Variants in TENM2 observed in about 807,000 individuals in gnomAD.
The protein encoded by TENM2 is teneurin-2.
TENM2 carries 52 observed loss-of-function variants against 245.2 expected under a neutral mutation model. The ratio of observed to expected loss-of-function variants is 0.21; its 90% CI spans 0.17 to 0.27. The LOEUF (loss-of-function observed/expected upper bound fraction) is 0.27. Ranked by LOEUF, TENM2 falls within the 10% of genes least tolerant of loss-of-function variation. The probability of loss-of-function intolerance (pLI) is 1.00; values close to 1 mark genes in which losing one functional copy is unlikely to be tolerated. For missense variants in TENM2, 3,046 were observed against 3,666.8 expected, an observed-to-expected ratio of 0.83 and a Z score of 4.37; for synonymous variants, 1,363 against 1,438.9, an observed-to-expected ratio of 0.95 and a Z score of 1.19.
At chr5:168,179,903 T>TTAGACA (rs1759713092) in intron 13 of TENM2, among the ~76,000 whole-genome samples, 1 of 152,218 alleles carries the variant, frequency 6.6e-6, no homozygotes, top group East Asian at 1.9e-4. Flanking sequence ...TTGGTTCTCA[T>TTAGACA]TAGACATGGT....
the TENM2 span, among the ~76,000 whole-genome samples, chr5:167,238,771 G>T: frequency 6.6e-6 from 1 of 150,448 alleles, no homozygotes; most frequent in Non-Finnish European, 1.5e-5. Flanking sequence ...TATATCAGAA[G>T]CCTGTAAAGA....
chr5:167,734,582 G>A (rs902286444), intron 2 of TENM2, among the ~76,000 whole-genome samples: 4 of 151,556 alleles, frequency 2.6e-5, no homozygotes, highest in Non-Finnish European at 2.9e-5. Flanking sequence ...TCCTTCTTGT[G>A]CCAAACGAAT....
At chr5:167,751,165 A>G (rs1761937006) in intron 2 of TENM2, among the ~76,000 whole-genome samples, 1 of 152,118 alleles carries the variant, frequency 6.6e-6, no homozygotes, top group Admixed American at 6.6e-5. Flanking sequence ...CTGGGCAAGG[A>G]CCAGACCTTA....
At chr5:167,637,444 C>A (rs1779276336) in intron 2 of TENM2, among the ~76,000 whole-genome samples, 1 of 151,994 alleles carries the variant, frequency 6.6e-6, no homozygotes, top group South Asian at 2.1e-4. Flanking sequence ...GAATTTAGAC[C>A]ATTTGACCCA....
At chr5:168,113,037 C>T (rs1011931894) in intron 9 of TENM2, among the ~76,000 whole-genome samples, 2 of 152,240 alleles carry the variant, frequency 1.3e-5, no homozygotes, top group Non-Finnish European at 2.9e-5. Context: ...CAGACTTCAG[C>T]TGGGTGTAGT....
chr5:167,131,326 T>C, the TENM2 span, among the ~76,000 whole-genome samples: 1 of 152,192 alleles, frequency 6.6e-6, no homozygotes, highest in African/African-American at 2.4e-5. Flanking sequence ...TATTGAAGTA[T>C]CTAATATGTG....
At chr5:167,878,743 G>A (rs944800631) in intron 3 of TENM2, among the ~76,000 whole-genome samples, 8 of 152,194 alleles carry the variant, frequency 5.3e-5, no homozygotes, top group Middle Eastern at 3.2e-3. Context: ...GCAGAGCTAT[G>A]TCTGAGTGTT....
chr5:167,533,691 C>T (rs759747879), intron 2 of TENM2, among the ~76,000 whole-genome samples: 5 of 152,002 alleles, frequency 3.3e-5, no homozygotes, highest in African/African-American at 7.2e-5. Context: ...AATTCCTGAG[C>T]TGAAGAAATC....
At chr5:167,125,381 GGAA>G in the TENM2 span, among the ~76,000 whole-genome samples, 20 of 152,346 alleles carry the variant, frequency 1.3e-4, no homozygotes, top group East Asian at 2.3e-3. Flanking sequence ...GTCTGTACCA[GGAA>G]GAACTGAGGG....
At chr5:167,157,509 T>G in the TENM2 span, among the ~76,000 whole-genome samples, 4 of 152,176 alleles carry the variant, frequency 2.6e-5, no homozygotes, top group African/African-American at 4.8e-5. Context: ...ACCTGGAAAT[T>G]TTCCACAGGT....
chr5:167,640,343 C>T (rs919524721), intron 2 of TENM2, among the ~76,000 whole-genome samples: 7 of 152,118 alleles, frequency 4.6e-5, no homozygotes, highest in African/African-American at 7.2e-5. Flanking sequence ...TATGGCCGGG[C>T]GCGGTGGTTC....
intron 2 of TENM2, among the ~76,000 whole-genome samples, chr5:167,558,675 T>TA (rs1315760326): frequency 3.4e-4 from 52 of 152,188 alleles, no homozygotes; most frequent in African/African-American, 1.1e-3. Context: ...ACCATCTAGT[T>TA]ACGGGAAAAC....
chr5:168,053,963 C>A (rs1244893501), intron 6 of TENM2, among the ~76,000 whole-genome samples: 1 of 152,142 alleles, frequency 6.6e-6, no homozygotes, highest in African/African-American at 2.4e-5. Flanking sequence ...GTAAGAGTAT[C>A]AGGAGATTAC....
At chr5:167,356,217 A>AAATT (rs1759321150) in intron 1 of TENM2, among the ~76,000 whole-genome samples, 7 of 129,166 alleles carry the variant, frequency 5.4e-5, no homozygotes, top group African/African-American at 2.2e-4. Context: ...AAAAAAAAAA[A>AAATT]AAAATTAAAA....
chr5:168,090,546 T>C (rs376306302), intron 7 of TENM2, 28 bp from the exon 10 acceptor site: 9 of 1,601,666 alleles, frequency 5.6e-6, no homozygotes, highest in Non-Finnish European at 6.8e-6. Context: ...CCTTGTCTCA[T>C]GCATGGTACT....
chr5:168,234,854 G>A (rs1765278882), intron 25 of TENM2, among the ~76,000 whole-genome samples: 1 of 152,194 alleles, frequency 6.6e-6, no homozygotes, highest in African/African-American at 2.4e-5. Flanking sequence ...AAGAAAAATT[G>A]CTTCCAAGAT....
intron 2 of TENM2, among the ~76,000 whole-genome samples, chr5:167,697,058 C>A (rs1360416056): frequency 6.6e-6 from 1 of 152,212 alleles, no homozygotes; most frequent in Admixed American, 6.5e-5. Context: ...CCTTACCCTC[C>A]TCCAGTTTCT....
chr5:167,531,901 C>T (rs903597744), intron 2 of TENM2, among the ~76,000 whole-genome samples: 1 of 152,154 alleles, frequency 6.6e-6, no homozygotes, highest in Non-Finnish European at 1.5e-5. Flanking sequence ...TATTACCCAG[C>T]ACGTTGTCTT....
intron 3 of TENM2, among the ~76,000 whole-genome samples, chr5:167,945,648 G>A (rs1779555780): frequency 1.3e-5 from 2 of 152,128 alleles, no homozygotes; most frequent in Non-Finnish European, 2.9e-5. Context: ...TGTAATTCCC[G>A]TGTTCCGCTA....
Sources: gnomAD v4.1 joint callset for allele counts (sites outside exome capture counted in the v4.1 genomes callset) on GRCh38, gnomAD v4.1.1 for gene constraint, MANE v1.5 for transcripts, NCBI Gene and HGNC (gene_info 2026-07-23, HGNC 2026-07-21) for gene names.